POU6F2: variants seen among roughly 807,000 people sequenced by gnomAD.
POU6F2 encodes POU class 6 homeobox 2.
In POU6F2, 31 loss-of-function variants were observed where a neutral mutation model predicts 71.3. That is an observed-to-expected ratio of 0.43 (90% CI 0.33 to 0.59). The LOEUF is 0.59. POU6F2 is among the 20% of genes least tolerant of loss of function. POU6F2 has a pLI of 0.04. For synonymous variants in POU6F2, 347 were observed against 355.7 expected (o/e 0.98, Z 0.27); for missense variants, 783 against 856.8 (o/e 0.91, Z 1.07).
intron 4 of POU6F2, among the ~76,000 whole-genome samples, chr7:39,322,920 C>T (rs1785425353): frequency 6.6e-6 from 1 of 152,166 alleles, no homozygotes; most frequent in African/African-American, 2.4e-5. Flanking sequence ...TTGGGAACCT[C>T]AGAAATTCTC....
At chr7:39,113,928 G>A (rs1029862848) in intron 2 of POU6F2, among the ~76,000 whole-genome samples, 4 of 152,100 alleles carry the variant, frequency 2.6e-5, no homozygotes, top group Admixed American at 2.0e-4. Context: ...AAAATTCAAG[G>A]AATACCCTTC....
At chr7:39,030,148 G>A (rs1314410373) in intron 1 of POU6F2, among the ~76,000 whole-genome samples, 1 of 151,908 alleles carries the variant, frequency 6.6e-6, no homozygotes, top group African/African-American at 2.4e-5. Flanking sequence ...AATGTGTGGT[G>A]TGTGTGTTTG....
chr7:39,294,620 G>T (rs1220661653), intron 4 of POU6F2, among the ~76,000 whole-genome samples: 1 of 152,018 alleles, frequency 6.6e-6, no homozygotes, highest in Admixed American at 6.5e-5. Context: ...GGACCAAAAT[G>T]TTGTTTCACT....
chr7:39,023,186 G>GT (rs1369254861), intron 1 of POU6F2, among the ~76,000 whole-genome samples: 1 of 151,952 alleles, frequency 6.6e-6, no homozygotes, highest in Non-Finnish European at 1.5e-5. Context: ...TTTAAGATTA[G>GT]TTTTTTAAAA....
intron 2 of POU6F2, among the ~76,000 whole-genome samples, chr7:39,121,134 G>A (rs1030050118): frequency 6.6e-6 from 1 of 152,116 alleles, no homozygotes; most frequent in Non-Finnish European, 1.5e-5. Context: ...GTATGAGAAA[G>A]GTTTAAAAAG....
chr7:39,063,865 T>G (rs1221030017), intron 1 of POU6F2, among the ~76,000 whole-genome samples: 1 of 152,122 alleles, frequency 6.6e-6, no homozygotes, highest in African/African-American at 2.4e-5. Context: ...TTAAATAATC[T>G]CAATAGAATT....
chr7:39,293,643 G>A (rs562635983), intron 4 of POU6F2, among the ~76,000 whole-genome samples: 18 of 152,164 alleles, frequency 1.2e-4, no homozygotes, highest in Non-Finnish European at 2.1e-4. Context: ...TGTGAACCCC[G>A]GTGACAAGGG....
chr7:39,001,977 G>C (rs1202390325), intron 1 of POU6F2: 1 of 152,236 alleles, frequency 6.6e-6, no homozygotes, highest in Non-Finnish European at 1.5e-5. Context: ...TGATGGTAAT[G>C]TTGATTATAA....
Position 39,194,547 on chromosome 7 carries a change from TGGACCAATCAGCGCTCTGTAAAG to T in POU6F2, c.278-9687_278-9665del, listed in dbSNP as rs1399000313. Among the ~76,000 whole-genome samples the T allele has an allele frequency of 0.011, 59 of 5,450 alleles. 2 individuals are homozygous for T. In the East Asian group the frequency reaches 0.51, roughly 47 times the overall value. The allele number at this position is 5,450 out of a possible 152,430, so 3.6% of individuals were successfully genotyped here. ...ACGGAGCAATCAGCACTCTGTAAAG[TGGACCAATCAGCGCTCTGTAAAG>T]TGGACCAATCAGCGCTCTGTAAAAT... On this transcript the variant is annotated intron_variant, in intron 2 of 9. Transcript: ENST00000518318.
intron 4 of POU6F2, among the ~76,000 whole-genome samples, chr7:39,219,469 A>T (rs139350340): frequency 1.1e-4 from 16 of 152,100 alleles, no homozygotes; most frequent in African/African-American, 3.9e-4. Context: ...TGCTGTCCTC[A>T]TGTAGGGCAG....
At chr7:39,338,360 T>C (rs1785827940) in intron 4 of POU6F2, among the ~76,000 whole-genome samples, 1 of 152,210 alleles carries the variant, frequency 6.6e-6, no homozygotes, top group Admixed American at 6.5e-5. Context: ...GCCGGGGTAC[T>C]TTCCAGGCCT....
At chr7:39,127,729 C>T (rs187482337) in intron 2 of POU6F2, among the ~76,000 whole-genome samples, 3 of 150,978 alleles carry the variant, frequency 2.0e-5, no homozygotes, top group Non-Finnish European at 2.9e-5. Flanking sequence ...AAGTTTGTTT[C>T]GGGAAGCAGC....
At chr7:39,263,655 G>A (rs193193800) in intron 4 of POU6F2, among the ~76,000 whole-genome samples, 113 of 127,538 alleles carry the variant, frequency 8.9e-4, no homozygotes, top group Admixed American at 3.6e-4. Context: ...GTGTGCATGC[G>A]TGTTCACGCA....
intron 7 of POU6F2, among the ~76,000 whole-genome samples, chr7:39,441,762 A>C (rs569506320): frequency 6.6e-6 from 1 of 152,226 alleles, no homozygotes; most frequent in Non-Finnish European, 1.5e-5. Flanking sequence ...GAGCTCCTTA[A>C]CTGAGTGAGT....
In POU6F2 at chr7:39,133,809, A is replaced by T. The variant is rs536837003; in HGVS notation, c.277+47778A>T. ...AATGTACAGCCTGTGTAAGCTCTAC[A>T]TGGCAGCCCTGAGGGGCTGGAACAT... On this transcript the variant is annotated intron_variant, in intron 2 of 9. Transcript: ENST00000518318. Among the ~76,000 whole-genome samples the T allele has an allele frequency of 7.2e-5, 11 of 152,328 alleles. No homozygotes were observed. In the South Asian group the frequency reaches 2.3e-3, roughly 32 times the overall value.
intron 4 of POU6F2, among the ~76,000 whole-genome samples, chr7:39,293,263 C>G (rs1784795529): frequency 6.6e-6 from 1 of 152,144 alleles, no homozygotes; most frequent in South Asian, 2.1e-4. Flanking sequence ...ACAAGGCTGA[C>G]AAGCTGTTTA....
intron 1 of POU6F2, among the ~76,000 whole-genome samples, chr7:38,985,447 T>G (rs1464498405): frequency 3.9e-5 from 6 of 152,148 alleles, no homozygotes; most frequent in Non-Finnish European, 5.9e-5. Flanking sequence ...AAATCCAGAA[T>G]GTTCCAGCTT....
chr7:38,993,584 C>T, intron 1 of POU6F2, among the ~76,000 whole-genome samples: 1 of 100,564 alleles, frequency 9.9e-6, no homozygotes, highest in African/African-American at 3.4e-5. Flanking sequence ...CACTGATCAA[C>T]ACTGATATTT....
At chr7:39,206,205 C>T (rs1794009005) in intron 3 of POU6F2, among the ~76,000 whole-genome samples, 1 of 152,202 alleles carries the variant, frequency 6.6e-6, no homozygotes, top group South Asian at 2.1e-4. Flanking sequence ...TTCCACATGG[C>T]TCCCACAAGG....
Sources: gnomAD v4.1 joint callset for allele counts (sites outside exome capture counted in the v4.1 genomes callset) on GRCh38, gnomAD v4.1.1 for gene constraint, MANE v1.5 for transcripts, NCBI Gene and HGNC (gene_info 2026-07-23, HGNC 2026-07-21) for gene names.